Variants in AR observed in about 807,000 individuals in gnomAD.
The protein encoded by AR is dihydrotestosterone receptor.
A neutral mutation model predicts 53.9 loss-of-function variants in AR; 8 were observed. That is an observed-to-expected ratio of 0.15 (90% CI 0.09 to 0.27). The LOEUF (loss-of-function observed/expected upper bound fraction) is 0.27, where lower values mean the gene tolerates loss of function less well. Among genes scored for constraint, AR ranks in the 10% least tolerant of loss-of-function variants. AR has a pLI of 1.00. For synonymous variants in AR, 359 were observed against 316.4 expected, an observed-to-expected ratio of 1.13 and a Z score of -1.43; for missense variants, 639 against 742.5, an observed-to-expected ratio of 0.86 and a Z score of 1.62.
chrX:67,560,829 C>A (rs1030288692), intron 1 of AR, among the ~76,000 whole-genome samples: 3 of 111,303 alleles, frequency 2.7e-5, no homozygotes, highest in African/African-American at 6.5e-5. Context: ...ATGACAGCCC[C>A]CTACAAAATG....
intron 1 of AR, among the ~76,000 whole-genome samples, chrX:67,556,502 A>G (rs1921059806): frequency 8.9e-6 from 1 of 112,057 alleles, no homozygotes. Flanking sequence ...GACTGCATAT[A>G]TTCAATAAAT....
At chrX:67,665,268 T>A (rs1927205888) in intron 2 of AR, among the ~76,000 whole-genome samples, 1 of 112,452 alleles carries the variant, frequency 8.9e-6, no homozygotes, top group South Asian at 3.7e-4. Context: ...AAATCTTACT[T>A]TGGTTTCTAG....
At chrX:67,710,074 G>T (rs1410134546) in intron 3 of AR, among the ~76,000 whole-genome samples, 1 of 110,797 alleles carries the variant, frequency 9.0e-6, no homozygotes, top group Non-Finnish European at 1.9e-5. Context: ...GCATGTGTGT[G>T]TGAGTGTGCG....
chrX:67,547,422 A>G (rs1431328668), intron 1 of AR, among the ~76,000 whole-genome samples: 3 of 111,634 alleles, frequency 2.7e-5, no homozygotes, highest in Admixed American at 9.5e-5. Context: ...CAGAGGGGCA[A>G]CTTTCTTGGT....
At chrX:67,638,571 C>T (rs1925575823) in intron 1 of AR, among the ~76,000 whole-genome samples, 1 of 111,982 alleles carries the variant, frequency 8.9e-6, no homozygotes, top group Non-Finnish European at 1.9e-5. Context: ...TCTCTAATGA[C>T]CAGTGATGAT....
At chrX:67,585,258 CAAAA>C (rs35044641) in intron 1 of AR, among the ~76,000 whole-genome samples, 1 of 63,755 alleles carries the variant, frequency 1.6e-5, no homozygotes. Flanking sequence ...GTGAGACTGT[CAAAA>C]AAAAAAAAAA....
intron 6 of AR, 124 bp downstream of exon 6, chrX:67,722,087 C>T (rs531537141): frequency 1.2e-6 from 1 of 817,387 alleles, no homozygotes; most frequent in South Asian, 2.3e-5. Context: ...TTCATTCCCC[C>T]TCCCCATCCC....
chrX:67,610,338 C>T (rs1312618039), intron 1 of AR, among the ~76,000 whole-genome samples: 1 of 111,036 alleles, frequency 9.0e-6, no homozygotes. Context: ...TGGTAGGGTG[C>T]TTAAAGTTGG....
chrX:67,658,574 C>G (rs1926701544), intron 2 of AR, among the ~76,000 whole-genome samples: 1 of 111,930 alleles, frequency 8.9e-6, no homozygotes, highest in Admixed American at 9.5e-5. Flanking sequence ...ATCCTCCCAT[C>G]TCAGCCTCCT....
chrX:67,569,539 G>A (rs958752470), intron 1 of AR, among the ~76,000 whole-genome samples: 3 of 111,715 alleles, frequency 2.7e-5, no homozygotes, highest in Admixed American at 9.5e-5. Flanking sequence ...GTGGGAACGT[G>A]TCTTTTCTTT....
chrX:67,558,429 T>C (rs958441403), intron 1 of AR, among the ~76,000 whole-genome samples: 7 of 111,556 alleles, frequency 6.3e-5, no homozygotes, highest in Non-Finnish European at 1.3e-4. Flanking sequence ...TCCCAGGAAG[T>C]CTGGCTTCTA....
chrX:67,576,163 C>T (rs993487761), intron 1 of AR, among the ~76,000 whole-genome samples: 4 of 110,890 alleles, frequency 3.6e-5, no homozygotes. Context: ...GGGTGTGCTT[C>T]CATGTCAGCA....
rs765441126 is a variant in AR at position 67,604,359 on chromosome X, T to C, written c.1617-38897T>C. ...AAGAGGCCTTAAAGGTGTTGATCTG[T>C]TCCCTGGGCATCACCACATTCCACA... On this transcript the variant is annotated intron_variant, in intron 1 of 7. Transcript: ENST00000374690. Among the ~76,000 whole-genome samples the C allele has an allele frequency of 6.0e-4, 66 of 109,608 alleles. 1 individual carries two copies. Among genetic ancestry groups the C allele is most frequent in the Non-Finnish European group, 5.9e-4 (31 of 52,648 alleles).
At position 67,546,633 on chromosome X, in the gene AR, A is replaced by G. The variant is rs747319764; in HGVS notation, c.1487A>G (p.Asp496Gly). 8.3e-6 allele frequency: 10 copies of G among 1,197,824 alleles called. No homozygotes were observed. In the East Asian group the frequency reaches 3.0e-4, roughly 36 times the overall value. Residue 496 changes from aspartate (D) to glycine (G), a missense_variant, in exon 1 of 8, where the codon GAC becomes GGC. Physicochemically the swap from Asp to Gly is moderately conservative, Grantham distance 94 (BLOSUM62 -1). Coordinates refer to ENST00000374690, the MANE Select transcript of AR (RefSeq NM_000044.6). ...PPQGLAGQES[D>G]FTAPDVWYPG... is the part of the protein sequence containing the mutation. ...CAGGGGCTGGCGGGCCAGGAAAGCG[A>G]CTTCACCGCACCTGATGTGTGGTAC...
intron 1 of AR, among the ~76,000 whole-genome samples, chrX:67,630,210 G>T (rs1353001772): frequency 9.0e-6 from 1 of 110,552 alleles, no homozygotes; most frequent in South Asian, 3.9e-4. Context: ...TTTCTGTCTC[G>T]TTGATCTGTC....
intron 4 of AR, among the ~76,000 whole-genome samples, chrX:67,712,014 A>T (rs1291906816): frequency 8.9e-6 from 1 of 112,344 alleles, no homozygotes; most frequent in Non-Finnish European, 1.9e-5. Context: ...TATATGCCTT[A>T]GGATGCTCTT....
chrX:67,708,323 T>G (rs1332621560), intron 3 of AR, among the ~76,000 whole-genome samples: 1 of 111,877 alleles, frequency 8.9e-6, no homozygotes, highest in Non-Finnish European at 1.9e-5. Context: ...CCATATTTCT[T>G]GGAGGCTTTG....
chrX:67,615,039 C>G (rs953460482), intron 1 of AR, among the ~76,000 whole-genome samples: 2 of 109,692 alleles, frequency 1.8e-5, no homozygotes, highest in African/African-American at 6.6e-5. Flanking sequence ...ATAGATTATT[C>G]ATTTTGAAGG....
chrX:67,669,827 C>T, intron 2 of AR, among the ~76,000 whole-genome samples: 1 of 109,496 alleles, frequency 9.1e-6, no homozygotes, highest in South Asian at 3.8e-4. Context: ...TAGTGTTTGT[C>T]TTGAAATCTA....
Sources: allele counts gnomAD v4.1 joint callset (sites outside exome capture counted in the v4.1 genomes callset), GRCh38; gene constraint gnomAD v4.1.1; transcripts MANE v1.5; gene names NCBI Gene and HGNC (gene_info 2026-07-23, HGNC 2026-07-21).